CPXM2: variants seen among roughly 807,000 people sequenced by gnomAD.
The protein encoded by CPXM2 is carboxypeptidase X, M14 family member 2.
A neutral mutation model predicts 86.1 loss-of-function variants in CPXM2; 66 were observed. That is an observed-to-expected ratio of 0.77 (90% CI 0.63 to 0.94). The LOEUF is 0.94. CPXM2 is among the 40% of genes least tolerant of loss of function. CPXM2 has a pLI of 0.00. For missense variants in CPXM2, 948 were observed against 1,026.3 expected (o/e 0.92, Z 1.04); for synonymous variants, 388 against 400.2 (o/e 0.97, Z 0.36).
intron 6 of CPXM2, among the ~76,000 whole-genome samples, chr10:123,790,470 G>A (rs576372214): frequency 3.3e-5 from 5 of 152,224 alleles, no homozygotes; most frequent in Non-Finnish European, 4.4e-5. Context: ...AACTAGGGGC[G>A]AGGGAGCAAA....
intron 2 of CPXM2, among the ~76,000 whole-genome samples, chr10:123,877,159 T>C (rs983313043): frequency 7.2e-5 from 11 of 152,182 alleles, no homozygotes; most frequent in Admixed American, 2.6e-4. Context: ...AATTGCCAAG[T>C]AGAGAATAAT....
At chr10:123,822,049 G>A (rs1200804572) in intron 4 of CPXM2, among the ~76,000 whole-genome samples, 1 of 152,180 alleles carries the variant, frequency 6.6e-6, no homozygotes, top group Non-Finnish European at 1.5e-5. Context: ...TAAAAGAGCA[G>A]GAAGGATTCA....
chr10:123,791,030 G>A (rs1847195771), intron 6 of CPXM2, among the ~76,000 whole-genome samples: 1 of 152,114 alleles, frequency 6.6e-6, no homozygotes, highest in Admixed American at 6.5e-5. Context: ...CATCATCAGG[G>A]GTGAGGACAG....
Position 123,747,012 on chromosome 10 carries a change from C to A in CPXM2, c.2023G>T (p.Asp675Tyr). Residue 675 changes from aspartate to tyrosine, a missense_variant, in exon 14 of 14, where the codon GAT (aspartate) becomes TAT (tyrosine). Coordinates refer to ENST00000241305, the MANE Select transcript of CPXM2 (RefSeq NM_198148.3). ...GINHDIRTAN[D>Y]GDYWRLLNPG... Reference sequence around the variant, plus strand: ...TTCAGGAGGCGCCAGTAATCCCCATCGTTGGCTGTGAAAAAGAAAACCAGG... The same window carrying A: ...TTCAGGAGGCGCCAGTAATCCCCATAGTTGGCTGTGAAAAAGAAAACCAGG... The A allele has an allele frequency of 6.2e-7, 1 of 1,613,308 alleles. No individual in the cohort carries two copies. Among genetic ancestry groups the A allele is most frequent in the Non-Finnish European group, 8.5e-7 (1 of 1,179,690 alleles).
intron 9 of CPXM2, among the ~76,000 whole-genome samples, chr10:123,767,395 T>C (rs1181804877): frequency 6.6e-6 from 1 of 152,224 alleles, no homozygotes; most frequent in African/African-American, 2.4e-5. Flanking sequence ...CCCTGCCACA[T>C]GGAAGTGCTT....
intron 2 of CPXM2, among the ~76,000 whole-genome samples, chr10:123,906,648 T>C (rs1309905836): frequency 1.3e-5 from 2 of 152,134 alleles, no homozygotes; most frequent in East Asian, 3.9e-4. Context: ...TAATCAGAAA[T>C]AAATACTTCA....
intron 13 of CPXM2, chr10:123,751,448 T>G (rs1846074021): frequency 1.1e-6 from 1 of 941,632 alleles, no homozygotes; most frequent in Non-Finnish European, 1.3e-6. Flanking sequence ...TAAGAAGGTT[T>G]GCGTCTTTCC....
intron 3 of CPXM2, among the ~76,000 whole-genome samples, chr10:123,858,111 A>C (rs912160911): frequency 1.3e-5 from 2 of 152,214 alleles, no homozygotes; most frequent in Admixed American, 6.5e-5. Context: ...ACATGAACCA[A>C]TGCTGCTTCT....
chr10:123,896,140 A>G (rs1590110401), upstream of CPXM2, among the ~76,000 whole-genome samples: 1 of 152,228 alleles, frequency 6.6e-6, no homozygotes, highest in East Asian at 1.9e-4. Flanking sequence ...AAATATTGTC[A>G]AGACATCAAT....
chr10:123,880,165 AC>A, intron 2 of CPXM2, 45 bp downstream of exon 2: 1 of 278,092 alleles, frequency 3.6e-6, no homozygotes, highest in Admixed American at 3.9e-5. Context: ...CCCTCCCTGA[AC>A]AGGGCCTAGG....
chr10:123,935,029 C>T (rs1267314720), intron 2 of CPXM2, among the ~76,000 whole-genome samples: 1 of 152,174 alleles, frequency 6.6e-6, no homozygotes, highest in Non-Finnish European at 1.5e-5. Flanking sequence ...CATTCTTCTG[C>T]CTCCTCCCAG....
At chr10:123,932,242 G>A (rs929943920) in intron 2 of CPXM2, among the ~76,000 whole-genome samples, 5 of 152,164 alleles carry the variant, frequency 3.3e-5, no homozygotes, top group African/African-American at 7.2e-5. Flanking sequence ...TGTATAGGGT[G>A]GTATTGGGCT....
chr10:123,760,849 G>A (rs1846317162), intron 11 of CPXM2, among the ~76,000 whole-genome samples: 1 of 152,208 alleles, frequency 6.6e-6, no homozygotes, highest in Non-Finnish European at 1.5e-5. Flanking sequence ...AGGGTTCAGA[G>A]AGGTTAAGTA....
chr10:123,889,544 C>T (rs1349929348), intron 1 of CPXM2, among the ~76,000 whole-genome samples: 1 of 152,194 alleles, frequency 6.6e-6, no homozygotes, highest in Non-Finnish European at 1.5e-5. Flanking sequence ...CAGTGCTTAG[C>T]AGGTTCTTGG....
At chr10:123,863,891 G>A (rs939750166) in intron 2 of CPXM2, among the ~76,000 whole-genome samples, 8 of 152,132 alleles carry the variant, frequency 5.3e-5, no homozygotes, top group South Asian at 2.1e-4. Flanking sequence ...GATGCCATTC[G>A]CCTCTTGGAG....
At chr10:123,784,053 T>G (rs1230654179) in intron 6 of CPXM2, among the ~76,000 whole-genome samples, 1 of 152,224 alleles carries the variant, frequency 6.6e-6, no homozygotes, top group East Asian at 1.9e-4. Flanking sequence ...AAAAGCTATG[T>G]TGGAGTCCTC....
At chr10:123,773,477 G>A (rs1224542189) in intron 7 of CPXM2, among the ~76,000 whole-genome samples, 1 of 152,150 alleles carries the variant, frequency 6.6e-6, no homozygotes, top group Non-Finnish European at 1.5e-5. Flanking sequence ...CTTCTTTATT[G>A]CCCACTCACT....
In CPXM2 at chr10:123,762,635, G is replaced by A. The variant is rs200653500; in HGVS notation, c.1480-466C>T. Among the ~76,000 whole-genome samples, 9 of 152,282 alleles carry A rather than the reference G, an allele frequency of 5.9e-5. No individual in the cohort carries two copies. In the East Asian group the frequency reaches 1.5e-3, roughly 26 times the overall value. On this transcript the variant is annotated intron_variant, in intron 10 of 13. Transcript: ENST00000241305. ...TGGATGAAACAGGAACTGGTTAAGT[G>A]TCAGAGCTGAGATGGGTCCATGGCG...
At position 123,885,249 on chromosome 10, in the gene CPXM2, C is replaced by T. The variant is rs1226919874; in HGVS notation, c.305-4940G>A. 6.6e-6 allele frequency among the ~76,000 whole-genome samples: 1 copy of T among 152,150 alleles called. No homozygotes were observed. The highest frequency in any genetic ancestry group is 1.5e-5 in the Non-Finnish European group (1 of 68,012). On this transcript the variant is annotated intron_variant, in intron 1 of 13. Transcript: ENST00000241305. This position sits in a 1 kb window ranked among gnomAD's most constrained non-coding sequence, Gnocchi z 4.0. ...GAGGGGAGATGCCTCTGAGCTGCCC[C>T]ACTCCGGAGGCTGGGAGGCTAGAAG...
Sources: gnomAD v4.1 joint callset for allele counts (sites outside exome capture counted in the v4.1 genomes callset) on GRCh38, gnomAD v4.1.1 for gene constraint, Gnocchi (gnomAD v3.1) non-coding constraint, MANE v1.5 for transcripts, NCBI Gene and HGNC (gene_info 2026-07-23, HGNC 2026-07-21) for gene names.